The following FSTL4 variants were observed in gnomAD, a reference collection of about 807,000 sequenced individuals.
The protein encoded by FSTL4 is follistatin-related protein 4.
In FSTL4, 28 loss-of-function variants were observed where a neutral mutation model predicts 78.2. The ratio of observed to expected loss-of-function variants is 0.36; its 90% confidence interval spans 0.27 to 0.49. The LOEUF (loss-of-function observed/expected upper bound fraction) is 0.49. FSTL4 is among the 20% of genes least tolerant of loss of function. The pLI, the probability that FSTL4 is intolerant of heterozygous loss-of-function variation, is 0.98. For synonymous variants in FSTL4, 422 were observed against 440.5 expected, an observed-to-expected ratio of 0.96 and a Z score of 0.53; for missense variants, 922 against 1,084.9, an observed-to-expected ratio of 0.85 and a Z score of 2.11.
intron 2 of FSTL4, among the ~76,000 whole-genome samples, chr5:133,599,690 C>A (rs1293365264): frequency 1.3e-5 from 2 of 152,206 alleles, no homozygotes; most frequent in Non-Finnish European, 2.9e-5. Context: ...CAGAGCCCAG[C>A]AAATGGGTGA....
Position 133,273,891 on chromosome 5 carries a change from C to T in FSTL4, c.728-24315G>A, listed in dbSNP as rs540014517. 3.9e-5 allele frequency among the ~76,000 whole-genome samples: 6 copies of T among 152,256 alleles called. No homozygotes were observed. In the East Asian group the frequency reaches 5.8e-4, roughly 15 times the overall value. On this transcript the variant is annotated intron_variant, in intron 6 of 15. Transcript: ENST00000265342. ...GCATGCAGGAGGTGCTGACACACAG[C>T]GGAGTTCCCTTCTGTGCCTCCAGCA...
intron 3 of FSTL4, among the ~76,000 whole-genome samples, chr5:133,507,779 C>G (rs1758641510): frequency 1.3e-5 from 2 of 151,760 alleles, no homozygotes. Flanking sequence ...CCTCGGCCTC[C>G]TAAAGTGCTG....
At chr5:133,450,497 C>T (rs1476819243) in intron 3 of FSTL4, among the ~76,000 whole-genome samples, 1 of 152,248 alleles carries the variant, frequency 6.6e-6, no homozygotes, top group Non-Finnish European at 1.5e-5. Context: ...CTGAGAACCA[C>T]CACTGGTCTT....
intron 3 of FSTL4, among the ~76,000 whole-genome samples, chr5:133,494,660 T>TG (rs1580745252): frequency 1.3e-5 from 2 of 152,226 alleles, no homozygotes; most frequent in East Asian, 3.8e-4. Context: ...CTGAATTCCA[T>TG]GGGGCTAAAC....
At chr5:133,746,623 GA>G in the FSTL4 span, among the ~76,000 whole-genome samples, 44 of 151,912 alleles carry the variant, frequency 2.9e-4, no homozygotes, top group Admixed American at 1.4e-3. Flanking sequence ...TGCTCACAAT[GA>G]CCAAATGAAA....
the FSTL4 span, among the ~76,000 whole-genome samples, chr5:133,782,515 C>T: frequency 2.0e-5 from 3 of 152,232 alleles, no homozygotes; most frequent in Non-Finnish European, 2.9e-5. Context: ...CACGACTGGT[C>T]GGCCACAGGC....
the FSTL4 span, among the ~76,000 whole-genome samples, chr5:133,761,430 C>T: frequency 1.3e-5 from 2 of 152,276 alleles, no homozygotes; most frequent in African/African-American, 4.8e-5. Context: ...TGAATGGCTG[C>T]TTCAAGGTTC....
intron 4 of FSTL4, among the ~76,000 whole-genome samples, chr5:133,326,222 A>G (rs1400240151): frequency 1.3e-5 from 2 of 152,232 alleles, no homozygotes; most frequent in East Asian, 3.8e-4. Flanking sequence ...TCAATTAACA[A>G]TAAATGCCAA....
chr5:133,380,309 A>G (rs989315858), intron 4 of FSTL4, among the ~76,000 whole-genome samples: 2 of 152,004 alleles, frequency 1.3e-5, no homozygotes, highest in Non-Finnish European at 2.9e-5. Flanking sequence ...GACTAACAAA[A>G]AAATTTTTTA....
intron 2 of FSTL4, among the ~76,000 whole-genome samples, chr5:133,598,358 A>C (rs1048220845): frequency 1.4e-5 from 2 of 142,012 alleles, no homozygotes; most frequent in Admixed American, 6.9e-5. Flanking sequence ...CTGCATTTTA[A>C]CAAGATCCCA....
intron 6 of FSTL4, among the ~76,000 whole-genome samples, chr5:133,311,423 T>G (rs1753781342): frequency 6.6e-6 from 1 of 152,040 alleles, no homozygotes; most frequent in Non-Finnish European, 1.5e-5. Flanking sequence ...GTACTAAGGA[T>G]GATATGAACT....
At chr5:133,741,159 T>C in the FSTL4 span, among the ~76,000 whole-genome samples, 2 of 152,212 alleles carry the variant, frequency 1.3e-5, no homozygotes, top group African/African-American at 4.8e-5. Flanking sequence ...GACACGCCTA[T>C]GCCGATGACA....
At chr5:133,763,663 A>G in the FSTL4 span, among the ~76,000 whole-genome samples, 1 of 152,194 alleles carries the variant, frequency 6.6e-6, no homozygotes. Flanking sequence ...TAGTTTATAA[A>G]GCCTCATCAC....
At chr5:133,576,568 C>A (rs1760285469) in intron 2 of FSTL4, among the ~76,000 whole-genome samples, 1 of 152,164 alleles carries the variant, frequency 6.6e-6, no homozygotes, top group Non-Finnish European at 1.5e-5. Flanking sequence ...AGAAAGGAGT[C>A]CGCTGTACAA....
chr5:133,782,508 G>A, the FSTL4 span, among the ~76,000 whole-genome samples: 16 of 152,304 alleles, frequency 1.1e-4, no homozygotes, highest in South Asian at 3.1e-3. Context: ...TGCCCTTCAC[G>A]ACTGGTCGGC....
At chr5:133,250,643 G>A (rs1381019643) in intron 6 of FSTL4, among the ~76,000 whole-genome samples, 1 of 152,288 alleles carries the variant, frequency 6.6e-6, no homozygotes, top group Non-Finnish European at 1.5e-5. Context: ...TGACCAGGCA[G>A]CAGCAGCCCC....
intron 3 of FSTL4, chr5:133,458,433 G>T (rs1038526926): frequency 3.9e-5 from 6 of 152,244 alleles, no homozygotes; most frequent in African/African-American, 7.2e-5. Flanking sequence ...ACCTCCTTGG[G>T]TAGTGAGCCT....
chr5:133,287,183 T>C (rs1229992907), intron 6 of FSTL4, among the ~76,000 whole-genome samples: 5 of 151,994 alleles, frequency 3.3e-5, no homozygotes, highest in African/African-American at 1.2e-4. Flanking sequence ...GGTCAGGAGA[T>C]CGAGACCATC....
chr5:133,454,669 G>A (rs187530587), intron 3 of FSTL4, among the ~76,000 whole-genome samples: 4 of 152,338 alleles, frequency 2.6e-5, no homozygotes, highest in Non-Finnish European at 4.4e-5. Flanking sequence ...AGCCGAGCGC[G>A]AGTCACGATG....
Sources: gnomAD v4.1 joint callset for allele counts (sites outside exome capture counted in the v4.1 genomes callset) on GRCh38, gnomAD v4.1.1 for gene constraint, MANE v1.5 for transcripts, NCBI Gene and HGNC (gene_info 2026-07-23, HGNC 2026-07-21) for gene names.